RALGAPA2: variants seen among roughly 807,000 people sequenced by gnomAD.
RALGAPA2 encodes the protein ral GTPase-activating protein subunit alpha-2.
In RALGAPA2, 139 loss-of-function variants were observed where a neutral mutation model predicts 230.4. The ratio of observed to expected loss-of-function variants is 0.60; its 90% CI spans 0.53 to 0.69. The LOEUF (loss-of-function observed/expected upper bound fraction) is 0.69, where lower values mean the gene tolerates loss of function less well. Ranked by LOEUF, RALGAPA2 falls within the 30% of genes least tolerant of loss-of-function variation. The pLI is 0.00. For synonymous variants in RALGAPA2, 847 were observed against 837.8 expected (o/e 1.01, Z -0.19); for missense variants, 2,163 against 2,276.0 (o/e 0.95, Z 1.01).
chr20:20,611,764 G>A (rs1360820037), intron 13 of RALGAPA2, among the ~76,000 whole-genome samples: 2 of 152,104 alleles, frequency 1.3e-5, no homozygotes, highest in Non-Finnish European at 2.9e-5. Flanking sequence ...AAAACCTACT[G>A]GAACATATGC....
intron 38 of RALGAPA2, among the ~76,000 whole-genome samples, chr20:20,397,249 G>A (rs2059736970): frequency 6.6e-6 from 1 of 152,180 alleles, no homozygotes; most frequent in Admixed American, 6.5e-5. Flanking sequence ...TAATACTGGT[G>A]TCACCTGCAA....
chr20:20,670,101 C>T (rs893451444), intron 3 of RALGAPA2, among the ~76,000 whole-genome samples: 10 of 152,236 alleles, frequency 6.6e-5, no homozygotes, highest in Admixed American at 6.5e-5. Flanking sequence ...CCGCTCACCA[C>T]GAAATGGTAA....
chr20:20,627,660 C>T (rs754746692), intron 10 of RALGAPA2, among the ~76,000 whole-genome samples: 2 of 152,258 alleles, frequency 1.3e-5, no homozygotes, highest in Admixed American at 6.5e-5. Context: ...GGCACACTTT[C>T]TGTGCAGCAG....
intron 23 of RALGAPA2, among the ~76,000 whole-genome samples, chr20:20,554,211 T>C (rs1362966220): frequency 2.6e-5 from 4 of 152,214 alleles, no homozygotes; most frequent in Admixed American, 6.5e-5. Flanking sequence ...TCTCCATGAA[T>C]CTGCCTACCC....
intron 36 of RALGAPA2, among the ~76,000 whole-genome samples, chr20:20,494,366 CTAA>C (rs1189597759): frequency 6.6e-6 from 1 of 152,154 alleles, no homozygotes; most frequent in Non-Finnish European, 1.5e-5. Context: ...GCTTAATATG[CTAA>C]TGTTTAATTT....
intron 24 of RALGAPA2, among the ~76,000 whole-genome samples, chr20:20,543,067 C>T (rs888202023): frequency 4.6e-5 from 7 of 151,172 alleles, no homozygotes; most frequent in African/African-American, 1.7e-4. Context: ...TTTTTTTAGA[C>T]GGAGTCATGC....
intron 37 of RALGAPA2, among the ~76,000 whole-genome samples, chr20:20,459,497 G>A (rs1458502011): frequency 6.6e-6 from 1 of 150,744 alleles, no homozygotes; most frequent in African/African-American, 2.4e-5. Context: ...GAGGTAGGTA[G>A]TGGGTTGGAG....
chr20:20,458,485 GTATTTTATA>G (rs2061184100), intron 37 of RALGAPA2, among the ~76,000 whole-genome samples: 1 of 127,642 alleles, frequency 7.8e-6, no homozygotes, highest in South Asian at 2.4e-4. Context: ...TAATATATAT[GTATTTTATA>G]TATATTATAT....
chr20:20,618,367 C>A (rs1443871201), intron 12 of RALGAPA2, among the ~76,000 whole-genome samples: 1 of 152,028 alleles, frequency 6.6e-6, no homozygotes, highest in Non-Finnish European at 1.5e-5. Flanking sequence ...TTTAAAGATG[C>A]ACATGTGAAA....
chr20:20,524,883 C>T lies in RALGAPA2; in HGVS notation c.3709G>A (p.Val1237Ile). The T allele has an allele frequency of 6.2e-7, 1 of 1,608,952 alleles. No homozygotes were observed. Among genetic ancestry groups the T allele is most frequent in the Admixed American group, 1.7e-5 (1 of 59,468 alleles). The change falls in exon 29 of 40, where the codon GTT (valine) becomes ATT (isoleucine). Residue 1237 changes from valine to isoleucine, a missense_variant. By Grantham distance (29) the Val-to-Ile change is conservative. Transcript: ENST00000202677. ...TCTGCACTTGGTAAAAGAAAAGCAA[C>T]TGTGGCCACGAGGATCTGCATAAAA... is the stretch of plus-strand genomic sequence containing the variant. The part of the protein sequence containing the change: ...RKMAEILVAT[V>I]AFLLPSAEYS...
chr20:20,549,383 C>T (rs1029293306), intron 23 of RALGAPA2, among the ~76,000 whole-genome samples: 13 of 152,122 alleles, frequency 8.5e-5, no homozygotes, highest in African/African-American at 7.2e-5. Flanking sequence ...ATCACTTCAA[C>T]GGAACCTGCT....
At chr20:20,618,711 G>C (rs1227114416) in intron 12 of RALGAPA2, among the ~76,000 whole-genome samples, 1 of 152,196 alleles carries the variant, frequency 6.6e-6, no homozygotes, top group Non-Finnish European at 1.5e-5. Flanking sequence ...TGAGATCTGA[G>C]AGGAAATCTC....
chr20:20,594,288 T>C (rs1026440480), intron 16 of RALGAPA2, among the ~76,000 whole-genome samples: 1 of 152,234 alleles, frequency 6.6e-6, no homozygotes, highest in African/African-American at 2.4e-5. Context: ...AAACAATTTC[T>C]TTATACTATT....
chr20:20,464,292 GC>G (rs2061367253), intron 37 of RALGAPA2, among the ~76,000 whole-genome samples: 1 of 152,136 alleles, frequency 6.6e-6, no homozygotes, highest in Non-Finnish European at 1.5e-5. Context: ...GCCAAGGCCC[GC>G]CCGCTCCCAG....
intron 1 of RALGAPA2, among the ~76,000 whole-genome samples, chr20:20,709,636 T>C (rs1008526540): frequency 6.6e-6 from 1 of 152,216 alleles, no homozygotes; most frequent in African/African-American, 2.4e-5. Flanking sequence ...AACCGTCTGC[T>C]ACATGGCTTG....
intron 3 of RALGAPA2, among the ~76,000 whole-genome samples, chr20:20,671,691 C>T (rs927947317): frequency 1.3e-5 from 2 of 152,142 alleles, no homozygotes; most frequent in African/African-American, 4.8e-5. Context: ...TTCTATTATA[C>T]AGGCAACTAA....
chr20:20,393,352 C>T, intron 39 of RALGAPA2, 99 bp from the exon 40 acceptor site: 1 of 1,005,968 alleles, frequency 9.9e-7, no homozygotes, highest in South Asian at 1.7e-5. Context: ...GGGAGGGAAA[C>T]TCCCAGGAGA....
Position 20,544,893 on chromosome 20 carries a change from A to C in RALGAPA2, c.3285+1811T>G, listed in dbSNP as rs190655789. Among the ~76,000 whole-genome samples the C allele has an allele frequency of 4.7e-3, 722 of 152,246 alleles. 4 individuals are homozygous for C. The highest frequency in any genetic ancestry group is 0.017 in the African/African-American group (700 of 41,542). ...CAGGGGGTGGGGGGCAAGGGGAGGG[A>C]TAGCATTAGGAGAAATACCTAATGT... On this transcript the variant is annotated intron_variant, in intron 24 of 39. Transcript: ENST00000202677.
At chr20:20,677,629 ATTTTTTTTTTTTT>A (rs758379115) in intron 2 of RALGAPA2, among the ~76,000 whole-genome samples, 143 of 64,314 alleles carry the variant, frequency 2.2e-3, no homozygotes, top group African/African-American at 9.3e-3. Flanking sequence ...GATTTGACCC[ATTTTTTTTTTTTT>A]TTTTTTTTTT....
Sources: allele counts gnomAD v4.1 joint callset (sites outside exome capture counted in the v4.1 genomes callset), GRCh38; gene constraint gnomAD v4.1.1; transcripts MANE v1.5; gene names NCBI Gene and HGNC (gene_info 2026-07-23, HGNC 2026-07-21).